GRM1: variants seen among roughly 807,000 people sequenced by gnomAD.
GRM1 encodes glutamate metabotropic receptor 1, also known as metabotropic glutamate receptor 1.
GRM1 carries 33 observed loss-of-function variants against 90.9 expected under a neutral mutation model. The observed-to-expected ratio is 0.36, with a 90% CI of 0.28 to 0.49. GRM1 has a LOEUF of 0.49. Among genes scored for constraint, GRM1 ranks in the 20% least tolerant of loss-of-function variants. GRM1 has a pLI of 0.99. For synonymous variants in GRM1, 700 were observed against 613.2 expected (o/e 1.14, Z -2.09); for missense variants, 1,190 against 1,534.3 (o/e 0.78, Z 3.75).
chr6:146,434,030 C>G lies in GRM1; in HGVS notation c.2819C>G (p.Ser940Cys). 1 of 1,614,212 alleles carries G rather than the reference C, an allele frequency of 6.2e-7. No individual in the cohort carries two copies. The highest frequency in any genetic ancestry group is 8.5e-7 in the Non-Finnish European group (1 of 1,180,046). ...CCCCTCACTAAAAGTTACCAAGGCT[C>G]TGGCAAGAGCCTGACCTTTTCAGAT... is the stretch of plus-strand genomic sequence containing the variant. ...IKPLTKSYQG[S>C]GKSLTFSDTS... The change falls in exon 8 of 8, where the codon TCT (serine) becomes TGT (cysteine). Residue 940 changes from serine to cysteine, a missense_variant. By Grantham distance (112) the Ser-to-Cys change is moderately radical (BLOSUM62 -1). Coordinates refer to ENST00000282753, the MANE Select transcript of GRM1 (RefSeq NM_001278064.2).
chr6:146,345,486 G>C (rs1785151341), intron 3 of GRM1, among the ~76,000 whole-genome samples: 2 of 152,138 alleles, frequency 1.3e-5, no homozygotes, highest in Admixed American at 1.3e-4. Context: ...GAAATAAGTA[G>C]AGCTTTTACA....
intron 2 of GRM1, chr6:146,171,596 TG>T (rs1428617750): frequency 4.0e-6 from 1 of 249,262 alleles, no homozygotes; most frequent in East Asian, 1.1e-4. Flanking sequence ...GGTTGAAAAT[TG>T]GCTGCAACAG....
intron 1 of GRM1, among the ~76,000 whole-genome samples, chr6:146,060,398 C>G (rs1242806024): frequency 6.6e-6 from 1 of 152,076 alleles, no homozygotes; most frequent in Non-Finnish European, 1.5e-5. Flanking sequence ...TCACCCTCCT[C>G]CCACTCTCCA....
chr6:146,370,652 A>G (rs1775863672), intron 5 of GRM1, among the ~76,000 whole-genome samples: 1 of 152,008 alleles, frequency 6.6e-6, no homozygotes, highest in African/African-American at 2.4e-5. Context: ...TTGAATATAT[A>G]TATGCCAACC....
intron 7 of GRM1, among the ~76,000 whole-genome samples, chr6:146,419,149 T>A (rs900553738): frequency 6.6e-6 from 1 of 152,160 alleles, no homozygotes; most frequent in African/African-American, 2.4e-5. Context: ...TATGCAAGAT[T>A]CCACGAAGGC....
Position 146,378,940 on chromosome 6 carries a change from G to T in GRM1, c.1603-7950G>T, listed in dbSNP as rs529389547. Among the ~76,000 whole-genome samples the T allele has an allele frequency of 3.9e-5, 6 of 152,234 alleles. No individual in the cohort carries two copies. The South Asian group carries it at 1.0e-3, about 26-fold the overall frequency. ...CTCTTGCTTGCCTGCCACCATAAAA[G>T]ATGTGATTTTGTTACTCCTTTGTGT... is the stretch of plus-strand genomic sequence containing the variant. On this transcript the variant is annotated intron_variant, in intron 5 of 7. Coordinates refer to ENST00000282753, the MANE Select transcript of GRM1 (RefSeq NM_001278064.2).
chr6:146,291,054 T>C (rs898188286), intron 2 of GRM1, among the ~76,000 whole-genome samples: 4 of 152,124 alleles, frequency 2.6e-5, no homozygotes, highest in Non-Finnish European at 5.9e-5. Context: ...GGGGAACTAA[T>C]ATTGCAGATG....
chr6:146,374,220 C>G (rs1053316587), intron 5 of GRM1, among the ~76,000 whole-genome samples: 1 of 152,120 alleles, frequency 6.6e-6, no homozygotes, highest in African/African-American at 2.4e-5. Context: ...ATAAATCCCT[C>G]TTGTTCATCA....
intron 1 of GRM1, among the ~76,000 whole-genome samples, chr6:146,142,910 G>T (rs1351746935): frequency 6.6e-6 from 1 of 152,150 alleles, no homozygotes; most frequent in African/African-American, 2.4e-5. Flanking sequence ...CTGGTACTTA[G>T]GCTGCAACAC....
intron 1 of GRM1, among the ~76,000 whole-genome samples, chr6:146,096,321 C>T (rs1366161881): frequency 1.3e-5 from 2 of 152,018 alleles, no homozygotes; most frequent in African/African-American, 2.4e-5. Context: ...TTGGAAGAGA[C>T]CTGGAGATTA....
Position 146,150,359 on chromosome 6 carries a change from C to A in GRM1, c.701-8989C>A, listed in dbSNP as rs1389039394. 5.3e-5 allele frequency among the ~76,000 whole-genome samples: 8 copies of A among 152,070 alleles called. No individual in the cohort carries two copies. In the South Asian group the frequency reaches 1.7e-3, roughly 32 times the overall value. On this transcript the variant is annotated intron_variant, in intron 1 of 7. Coordinates refer to ENST00000282753, the MANE Select transcript of GRM1 (RefSeq NM_001278064.2). The stretch of plus-strand genomic sequence containing the variant: ...AGTTTTCCAGAAGGTGCTGTGAAAT[C>A]AATTTTATTCACAGAAATTCTTATT...
chr6:146,434,551 G>A lies in GRM1; in HGVS notation c.3340G>A (p.Glu1114Lys), dbSNP rs778743909. ...KLLQEYVYEH[E>K]REGNTEEDEL... ...CCTCCAGGAGTACGTGTATGAGCAC[G>A]AGCGGGAAGGGAACACGGAAGAAGA... is the stretch of plus-strand genomic sequence containing the variant. Residue 1114 changes from glutamate (E) to lysine (K), a missense_variant, in exon 8 of 8, where the codon GAG becomes AAG. This residue lies in a region of GRM1 where 400 missense variants were observed against 360.8 expected (regional missense o/e 1.11). Coordinates refer to ENST00000282753, the MANE Select transcript of GRM1 (RefSeq NM_001278064.2). The A allele has an allele frequency of 1.9e-6, 3 of 1,614,012 alleles. No individual in the cohort carries two copies. Among genetic ancestry groups the A allele is most frequent in the South Asian group, 1.1e-5 (1 of 91,086 alleles).
At position 146,435,692 on chromosome 6, in the gene GRM1, C is replaced by G. The variant is rs1395774650; in HGVS notation, c.*896C>G. 1 of 152,472 alleles carries G rather than the reference C, an allele frequency of 6.6e-6. No homozygotes were observed. The highest frequency in any genetic ancestry group is 1.5e-5 in the Non-Finnish European group (1 of 68,008). 9.4% of individuals were successfully genotyped at this position (152,472 alleles called of 1,614,324 possible). ...TGGCGATTTGGGGAAAAGGCCGGAACAAGAGATTGTTACGAGAGTGGCAGA... is the reference window on the plus strand; with the variant it reads ...TGGCGATTTGGGGAAAAGGCCGGAAGAAGAGATTGTTACGAGAGTGGCAGA... On this transcript the variant is annotated 3_prime_UTR_variant, in exon 8 of 8. Transcript: ENST00000282753.
At chr6:146,311,795 T>A (rs773458189) in intron 3 of GRM1, among the ~76,000 whole-genome samples, 2 of 152,210 alleles carry the variant, frequency 1.3e-5, no homozygotes, top group African/African-American at 2.4e-5. Context: ...TTTGGTTTCG[T>A]AGTTTTACAT....
chr6:146,127,871 G>GA (rs1384054529), intron 1 of GRM1, among the ~76,000 whole-genome samples: 2 of 152,188 alleles, frequency 1.3e-5, no homozygotes, highest in Non-Finnish European at 2.9e-5. Context: ...TGTGTAATGT[G>GA]AGCAGGGCTC....
At chr6:146,298,001 C>A (rs1013445676) in intron 2 of GRM1, among the ~76,000 whole-genome samples, 1 of 152,116 alleles carries the variant, frequency 6.6e-6, no homozygotes, top group Non-Finnish European at 1.5e-5. Context: ...TGCCTGAGGC[C>A]CCTGAGCTGG....
At chr6:146,271,876 T>G (rs921618304) in intron 2 of GRM1, among the ~76,000 whole-genome samples, 1 of 152,202 alleles carries the variant, frequency 6.6e-6, no homozygotes, top group African/African-American at 2.4e-5. Flanking sequence ...CAAACATAAT[T>G]TATTATCTCT....
chr6:146,270,345 G>A (rs1239209882), intron 2 of GRM1, among the ~76,000 whole-genome samples: 1 of 152,170 alleles, frequency 6.6e-6, no homozygotes, highest in Non-Finnish European at 1.5e-5. Context: ...GTTTTATCCA[G>A]TTCAATGTCT....
chr6:146,288,608 C>T (rs979902975), intron 2 of GRM1, among the ~76,000 whole-genome samples: 5 of 151,964 alleles, frequency 3.3e-5, no homozygotes, highest in East Asian at 1.9e-4. Flanking sequence ...TGGGTTCAAG[C>T]GATTCTCCTG....
Sources: allele counts gnomAD v4.1 joint callset (sites outside exome capture counted in the v4.1 genomes callset), GRCh38; gene constraint gnomAD v4.1.1; regional missense constraint gnomAD v4.1.1; transcripts MANE v1.5; gene names NCBI Gene and HGNC (gene_info 2026-07-23, HGNC 2026-07-21).